HERC2: variants seen among roughly 807,000 people sequenced by gnomAD.
HERC2 encodes the protein HECT and RLD domain containing E3 ubiquitin protein ligase 2, also known as E3 ubiquitin-protein ligase HERC2.
Under a neutral mutation model 537.7 loss-of-function variants are expected in HERC2, and 102 were observed. That is an observed-to-expected ratio of 0.19 (90% CI 0.16 to 0.22). HERC2 has a LOEUF of 0.22. Among genes scored for constraint, HERC2 ranks in the 10% least tolerant of loss-of-function variants. The probability of loss-of-function intolerance (pLI) is 1.00; values close to 1 mark genes in which losing one functional copy is unlikely to be tolerated. For synonymous variants in HERC2, 2,224 were observed against 2,466.2 expected (o/e 0.90, Z 2.91); for missense variants, 4,236 against 6,198.2 (o/e 0.68, Z 10.63).
rs1269311665 is a variant in HERC2, at chr15:28,322,136, G to A, written c.-93C>T. On this transcript the variant is annotated 5_prime_UTR_variant, in exon 1 of 93. Coordinates refer to ENST00000261609, the MANE Select transcript of HERC2 (RefSeq NM_004667.6). ...GCGCGGACGCAGCCTCCCAAGAGCC[G>A]CTGGCTCAGCCGGCGCCCGCGATCC... 1.5e-5 allele frequency: 1 copy of A among 68,412 alleles called. No individual in the cohort carries two copies. The highest frequency in any genetic ancestry group is 2.8e-5 in the Non-Finnish European group (1 of 36,108). The allele number at this position is 68,412 out of a possible 1,614,324, so 4.2% of individuals were successfully genotyped here.
chr15:28,175,756 A>G (rs529279718), intron 63 of HERC2, 100 bp from the exon 64 acceptor site: 5 of 1,130,692 alleles, frequency 4.4e-6, no homozygotes, highest in African/African-American at 3.0e-5. Flanking sequence ...AGCCAGCTCA[A>G]TGACATCACA....
At chr15:28,124,808 C>A (rs1889296877) in intron 84 of HERC2, among the ~76,000 whole-genome samples, 198 bp downstream of exon 84, 1 of 152,228 alleles carries the variant, frequency 6.6e-6, no homozygotes, top group Admixed American at 6.5e-5. Flanking sequence ...CCTTGGCCTC[C>A]CAAAGTGTTG....
intron 22 of HERC2, 70 bp downstream of exon 22, chr15:28,246,672 C>T (rs937693660): frequency 7.5e-7 from 1 of 1,338,054 alleles, no homozygotes; most frequent in Non-Finnish European, 1.0e-6. Flanking sequence ...TGCTGATCAG[C>T]AAAGAAGACA....
chr15:28,301,735 G>GTATATATA (rs55977156), intron 2 of HERC2, among the ~76,000 whole-genome samples: 10 of 35,366 alleles, frequency 2.8e-4, no homozygotes, highest in Middle Eastern at 0.031. Flanking sequence ...GTATGTATGT[G>GTATATATA]TATATATATA....
intron 48 of HERC2, among the ~76,000 whole-genome samples, chr15:28,201,247 C>CTT (rs1478345616): frequency 6.6e-6 from 1 of 152,234 alleles, no homozygotes; most frequent in Non-Finnish European, 1.5e-5. Flanking sequence ...ACTCCTACCC[C>CTT]TTTACTGTAG....
intron 57 of HERC2, among the ~76,000 whole-genome samples, chr15:28,180,423 T>C (rs1895715643): frequency 1.3e-5 from 2 of 152,354 alleles, no homozygotes; most frequent in South Asian, 4.1e-4. Flanking sequence ...ACTACTAATA[T>C]GTATGGTTAC....
intron 2 of HERC2, among the ~76,000 whole-genome samples, chr15:28,314,211 T>C (rs1456299776): frequency 6.6e-6 from 1 of 151,474 alleles, no homozygotes; most frequent in South Asian, 2.1e-4. Flanking sequence ...ACCACATCAT[T>C]GAAAAATGAA....
intron 56 of HERC2, among the ~76,000 whole-genome samples, chr15:28,186,014 T>G (rs1896273961): frequency 6.6e-6 from 1 of 152,142 alleles, no homozygotes; most frequent in South Asian, 2.1e-4. Context: ...ATGAGAACAG[T>G]CATAAGATGA....
At chr15:28,241,246 G>A (rs1234377361) in intron 23 of HERC2, among the ~76,000 whole-genome samples, 1 of 152,052 alleles carries the variant, frequency 6.6e-6, no homozygotes, top group Non-Finnish European at 1.5e-5. Flanking sequence ...AAAAAGGTAT[G>A]CAAATGGTCA....
chr15:28,160,115 C>T (rs542892096), intron 69 of HERC2, among the ~76,000 whole-genome samples: 13 of 152,300 alleles, frequency 8.5e-5, no homozygotes, highest in African/African-American at 2.4e-4. Context: ...GAGGGGTACC[C>T]GGCCGTGTGA....
rs377349903 is a variant in HERC2 at position 28,229,241 on chromosome 15, G to A, written c.5226C>T (p.Asn1742=). 11 of 1,613,688 alleles carry A rather than the reference G, an allele frequency of 6.8e-6. No homozygotes were observed. Among genetic ancestry groups the A allele is most frequent in the African/African-American group, 1.3e-5 (1 of 75,030 alleles). Reference sequence around the variant, plus strand: ...TGGCATCCATCAAAACATTTCGAATGTTCTGTACAGCCCAAGCGTACAGCT... The same window carrying A: ...TGGCATCCATCAAAACATTTCGAATATTCTGTACAGCCCAAGCGTACAGCT... ...FGKLYAWAVQ[N]IRNVLMDASA... Residue 1742 remains asparagine, a synonymous_variant, in exon 34 of 93, where the codon AAC becomes AAT. Transcript: ENST00000261609.
At chr15:28,278,663 GA>G (rs1418304026) in intron 5 of HERC2, among the ~76,000 whole-genome samples, 4 of 152,068 alleles carry the variant, frequency 2.6e-5, no homozygotes, top group Non-Finnish European at 4.4e-5. Context: ...AGAAAACAAG[GA>G]AACAAGCTAC....
Position 28,274,326 on chromosome 15 carries a change from C to T in HERC2, c.765G>A (p.Glu255=), listed in dbSNP as rs777808018. The T allele has an allele frequency of 1.9e-6, 3 of 1,614,214 alleles. No homozygotes were observed. Among genetic ancestry groups the T allele is most frequent in the South Asian group, 1.1e-5 (1 of 91,082 alleles). Residue 255 remains glutamate, a synonymous_variant, in exon 7 of 93, where the codon GAG becomes GAA. Coordinates refer to ENST00000261609, the MANE Select transcript of HERC2 (RefSeq NM_004667.6). ...TVSSVWLEVV[E]RATRFLRSVV... ...CGGACCTGAGGAACCTGGTCGCTCT[C>T]TCCACCACCTCCAGCCACACAGAGG...
chr15:28,190,958 T>C lies in HERC2; in HGVS notation c.8649+7A>G. The C allele has an allele frequency of 1.9e-6, 3 of 1,574,114 alleles. No individual in the cohort carries two copies. The highest frequency in any genetic ancestry group is 2.6e-6 in the Non-Finnish European group (3 of 1,143,498). On this transcript the variant is annotated splice_region_variant and intron_variant, in intron 55 of 92. Coordinates refer to ENST00000261609, the MANE Select transcript of HERC2 (RefSeq NM_004667.6). Reference sequence around the variant, plus strand: ...CATCCAAATGGAACACTAGCATAGCTACTTACCTCTGTGCAGTCATTCAGA... The same window carrying C: ...CATCCAAATGGAACACTAGCATAGCCACTTACCTCTGTGCAGTCATTCAGA...
chr15:28,190,742 A>G, intron 55 of HERC2: 2 of 578,582 alleles, frequency 3.5e-6, no homozygotes, highest in Non-Finnish European at 3.1e-6. Context: ...CTGCTACCAA[A>G]GAGAGTGAGA....
At chr15:28,204,941 A>G (rs1418157656) in intron 45 of HERC2, among the ~76,000 whole-genome samples, 2 of 152,150 alleles carry the variant, frequency 1.3e-5, no homozygotes, top group African/African-American at 2.4e-5. Flanking sequence ...GGAAAAAACA[A>G]TAGTCAAAAG....
intron 2 of HERC2, among the ~76,000 whole-genome samples, chr15:28,315,395 A>G (rs555914473): frequency 5.2e-5 from 8 of 152,392 alleles, no homozygotes; most frequent in Non-Finnish European, 7.3e-5. Context: ...CACAGGCATG[A>G]GTCAACCAAG....
intron 78 of HERC2, among the ~76,000 whole-genome samples, chr15:28,136,062 T>A (rs1389395590): frequency 1.4e-5 from 2 of 148,120 alleles, no homozygotes; most frequent in Non-Finnish European, 3.0e-5. Flanking sequence ...AACATACCCA[T>A]AAAAGAACAC....
chr15:28,269,150 A>C, intron 11 of HERC2, 98 bp downstream of exon 11: 1 of 866,786 alleles, frequency 1.2e-6, no homozygotes, highest in Non-Finnish European at 1.7e-6. Flanking sequence ...CAATCTTCAG[A>C]AATCAAACGC....
Sources: allele counts gnomAD v4.1 joint callset (sites outside exome capture counted in the v4.1 genomes callset), GRCh38; gene constraint gnomAD v4.1.1; transcripts MANE v1.5; gene names NCBI Gene and HGNC (gene_info 2026-07-23, HGNC 2026-07-21).